The following CCDC7 variants were observed in gnomAD, a reference collection of about 807,000 sequenced individuals.
CCDC7 encodes coiled-coil domain containing 7.
Under a neutral mutation model 196.9 loss-of-function variants are expected in CCDC7, and 183 were observed. That is an observed-to-expected ratio of 0.93 (90% CI 0.82 to 1.05). The LOEUF (loss-of-function observed/expected upper bound fraction) is 1.05, where lower values mean the gene tolerates loss of function less well. CCDC7 is among the 50% of genes least tolerant of loss of function. The probability of loss-of-function intolerance (pLI) is 0.00; values close to 1 mark genes in which losing one functional copy is unlikely to be tolerated. For missense variants in CCDC7, 1,540 were observed against 1,482.2 expected (o/e 1.04, Z -0.64); for synonymous variants, 525 against 484.6 (o/e 1.08, Z -1.10).
chr10:32,805,090 G>T lies in CCDC7; in HGVS notation c.3089G>T (p.Ser1030Ile), dbSNP rs777624661. 3 of 1,606,102 alleles carry T rather than the reference G, an allele frequency of 1.9e-6. No homozygotes were observed. The highest frequency in any genetic ancestry group is 2.6e-6 in the Non-Finnish European group (3 of 1,173,730). Residue 1030 changes from serine (S) to isoleucine (I), a missense_variant, in exon 30 of 42, where the codon AGT (serine) becomes ATT (isoleucine). Transcript: ENST00000639629. ...GATGAATTCAAGACACAGTCAAAGA[G>T]TTTCCCTGGTAAGAAAATATTTTTA...
chr10:32,658,280 G>A (rs933762300), intron 20 of CCDC7, among the ~76,000 whole-genome samples: 3 of 152,156 alleles, frequency 2.0e-5, no homozygotes, highest in Admixed American at 1.3e-4. Context: ...AAATACCTGA[G>A]ACTAGGTAAT....
intron 11 of CCDC7, among the ~76,000 whole-genome samples, chr10:32,538,654 T>C (rs2050896779): frequency 6.6e-6 from 1 of 152,226 alleles, no homozygotes; most frequent in East Asian, 1.9e-4. Flanking sequence ...TTGATGCATG[T>C]TCCTTCAATG....
chr10:32,827,652 G>T (rs901533617), intron 32 of CCDC7, among the ~76,000 whole-genome samples: 1 of 151,754 alleles, frequency 6.6e-6, no homozygotes, highest in Admixed American at 6.6e-5. Context: ...CTGGGGGTGG[G>T]GGGCTGGGGG....
rs546229316 is a variant in CCDC7, at chr10:32,505,733, T to G, written c.873-12212T>G. The stretch of plus-strand genomic sequence containing the variant: ...GGGTACACCTCCCAGATGGGGCGGC[T>G]GGGCAGAGGCGCTTCTCACTTCCCA... On this transcript the variant is annotated intron_variant, in intron 9 of 41. Transcript: ENST00000639629. Among the ~76,000 whole-genome samples, 9 of 151,392 alleles carry G rather than the reference T, an allele frequency of 5.9e-5. No individual in the cohort carries two copies. The East Asian group carries it at 1.2e-3, about 20-fold the overall frequency.
chr10:32,675,289 GATTACCATAA>G (rs59937099), intron 21 of CCDC7, among the ~76,000 whole-genome samples: 50,474 of 151,400 alleles, frequency 0.33, 9,099 homozygotes, highest in African/African-American at 0.48. Context: ...CATGAGGTTT[GATTACCATAA>G]AGTTAAAATT....
intron 29 of CCDC7, among the ~76,000 whole-genome samples, chr10:32,792,302 T>C (rs2082833188): frequency 6.6e-6 from 1 of 152,100 alleles, no homozygotes; most frequent in Non-Finnish European, 1.5e-5. Context: ...TCCAGAATAC[T>C]GTAATGGTGG....
intron 18 of CCDC7, among the ~76,000 whole-genome samples, chr10:32,622,671 G>A (rs767393777): frequency 5.3e-5 from 8 of 151,936 alleles, no homozygotes; most frequent in Non-Finnish European, 8.8e-5. Context: ...TTAACAGCAT[G>A]CCTGTTCTCC....
chr10:32,584,425 C>A, intron 18 of CCDC7, 121 bp downstream of exon 19: 1 of 562,778 alleles, frequency 1.8e-6, no homozygotes, highest in South Asian at 3.5e-5. Context: ...GTTAGGGAGT[C>A]ACTGGATAGC....
chr10:32,629,601 T>C (rs1035209398), intron 18 of CCDC7, among the ~76,000 whole-genome samples: 1 of 152,046 alleles, frequency 6.6e-6, no homozygotes, highest in Non-Finnish European at 1.5e-5. Flanking sequence ...CAAGCAGAAG[T>C]CTCACACCCT....
intron 28 of CCDC7, among the ~76,000 whole-genome samples, chr10:32,734,288 G>T (rs946107334): frequency 5.3e-5 from 8 of 152,284 alleles, no homozygotes; most frequent in Middle Eastern, 3.4e-3. Flanking sequence ...CATGTCCTTT[G>T]CAGGAACATG....
At chr10:32,639,864 G>C (rs1269486294) in intron 20 of CCDC7, among the ~76,000 whole-genome samples, 1 of 152,080 alleles carries the variant, frequency 6.6e-6, no homozygotes, top group South Asian at 2.1e-4. Context: ...TGATCCGCCT[G>C]CCTCGGCCTC....
chr10:32,740,139 A>G (rs2133116510), intron 28 of CCDC7, among the ~76,000 whole-genome samples: 1 of 152,116 alleles, frequency 6.6e-6, no homozygotes, highest in South Asian at 2.1e-4. Context: ...GAAACTGGGT[A>G]TTTCCCTTCC....
chr10:32,527,474 G>C (rs200160874), intron 11 of CCDC7, among the ~76,000 whole-genome samples: 1 of 152,156 alleles, frequency 6.6e-6, no homozygotes, highest in East Asian at 1.9e-4. Context: ...GAACAGTGTA[G>C]ACTTCTATTT....
At chr10:32,778,955 T>C (rs1252892359) in intron 28 of CCDC7, 22 bp from the exon 30 acceptor site, 4 of 1,519,426 alleles carry the variant, frequency 2.6e-6, no homozygotes, top group Non-Finnish European at 3.6e-6. Flanking sequence ...TCAACTACTT[T>C]GACAATCTGT....
intron 21 of CCDC7, among the ~76,000 whole-genome samples, chr10:32,670,845 C>A (rs1047558403): frequency 2.0e-5 from 3 of 151,688 alleles, no homozygotes; most frequent in Non-Finnish European, 4.4e-5. Context: ...TTTCTTCCTT[C>A]TATAAACTTT....
intron 31 of CCDC7, among the ~76,000 whole-genome samples, chr10:32,819,307 A>C (rs2089623914): frequency 1.3e-5 from 2 of 152,224 alleles, no homozygotes; most frequent in Non-Finnish European, 2.9e-5. Flanking sequence ...AGGCTCTGAA[A>C]TTGAGGCAAT....
intron 30 of CCDC7, among the ~76,000 whole-genome samples, chr10:32,807,526 T>C (rs545817050): frequency 6.6e-6 from 1 of 152,026 alleles, no homozygotes; most frequent in South Asian, 2.1e-4. Context: ...TCAGGAACAC[T>C]AGAATTCAGC....
chr10:32,471,024 T>A (rs1273574001), intron 5 of CCDC7, 40 bp from the exon 7 acceptor site: 10 of 1,499,232 alleles, frequency 6.7e-6, no homozygotes, highest in Non-Finnish European at 8.9e-6. Context: ...GGGAACAAAA[T>A]GGGTATTTAC....
At chr10:32,548,392 G>A (rs2052863293) in intron 13 of CCDC7, among the ~76,000 whole-genome samples, 1 of 152,134 alleles carries the variant, frequency 6.6e-6, no homozygotes, top group South Asian at 2.1e-4. Context: ...GGACGGAGCA[G>A]GTGATCAGGG....
Sources: gnomAD v4.1 joint callset for allele counts (sites outside exome capture counted in the v4.1 genomes callset) on GRCh38, gnomAD v4.1.1 for gene constraint, MANE v1.5 for transcripts, NCBI Gene and HGNC (gene_info 2026-07-23, HGNC 2026-07-21) for gene names.